ERG: variants seen among roughly 807,000 people sequenced by gnomAD.
ERG encodes transcriptional regulator ERG.
ERG carries 9 observed loss-of-function variants against 55.3 expected under a neutral mutation model. The ratio of observed to expected loss-of-function variants is 0.16; its 90% CI spans 0.10 to 0.28. The LOEUF (loss-of-function observed/expected upper bound fraction) is 0.28, where lower values mean the gene tolerates loss of function less well. Ranked by LOEUF, ERG falls within the 10% of genes least tolerant of loss-of-function variation. ERG has a pLI of 1.00. For synonymous variants in ERG, 223 were observed against 237.3 expected, an observed-to-expected ratio of 0.94 and a Z score of 0.55; for missense variants, 434 against 631.6, an observed-to-expected ratio of 0.69 and a Z score of 3.35.
At chr21:38,603,662 G>A (rs1477021437) in intron 1 of ERG, among the ~76,000 whole-genome samples, 1 of 151,952 alleles carries the variant, frequency 6.6e-6, no homozygotes, top group Non-Finnish European at 1.5e-5. Context: ...TAAGTCTCTC[G>A]AGATATCACC....
rs555428831 is a variant in ERG, at chr21:38,439,408, C to A, written c.236+5996G>T. 7.9e-5 allele frequency among the ~76,000 whole-genome samples: 12 copies of A among 152,286 alleles called. No homozygotes were observed. In the East Asian group the frequency reaches 2.1e-3, roughly 27 times the overall value. On this transcript the variant is annotated intron_variant, in intron 2 of 9. Coordinates refer to ENST00000288319, the MANE Select transcript of ERG (RefSeq NM_182918.4). ...ATTCAGGGCATTGGTAGGGAGCTCA[C>A]GAGAGGCTGAGCAGGCGCTGAAACT...
At chr21:38,575,914 T>C (rs1860244690) in intron 1 of ERG, among the ~76,000 whole-genome samples, 1 of 152,264 alleles carries the variant, frequency 6.6e-6, no homozygotes, top group Admixed American at 6.5e-5. Flanking sequence ...ATGAGGTGAC[T>C]AGATAACTCA....
chr21:38,561,995 C>T (rs1400211015), intron 2 of ERG, among the ~76,000 whole-genome samples: 1 of 152,176 alleles, frequency 6.6e-6, no homozygotes, highest in African/African-American at 2.4e-5. Context: ...AAAACTTTCT[C>T]TGCTATTTAC....
At chr21:38,450,159 A>AGGTG (rs1348581708) in intron 1 of ERG, among the ~76,000 whole-genome samples, 2 of 151,876 alleles carry the variant, frequency 1.3e-5, no homozygotes, top group Non-Finnish European at 2.9e-5. Flanking sequence ...TGAGAGGCCA[A>AGGTG]GGTGGGTGGG....
At chr21:38,653,520 G>C (rs1340791613) in intron 1 of ERG, among the ~76,000 whole-genome samples, 1 of 152,176 alleles carries the variant, frequency 6.6e-6, no homozygotes, top group Non-Finnish European at 1.5e-5. Flanking sequence ...CGCATTTAGA[G>C]TGTCCTTGCA....
At chr21:38,434,654 T>C (rs540449253) in intron 2 of ERG, among the ~76,000 whole-genome samples, 7 of 152,230 alleles carry the variant, frequency 4.6e-5, no homozygotes, top group African/African-American at 1.7e-4. Context: ...CTGACCTTGG[T>C]TGACCTTAGA....
At chr21:38,445,839 C>G (rs1246340922) in intron 1 of ERG, among the ~76,000 whole-genome samples, 2 of 151,884 alleles carry the variant, frequency 1.3e-5, no homozygotes, top group Non-Finnish European at 2.9e-5. Context: ...ATGCAGGTCT[C>G]GAAGCATCCC....
intron 2 of ERG, among the ~76,000 whole-genome samples, chr21:38,443,291 G>T (rs569804365): frequency 1.2e-4 from 18 of 152,114 alleles, no homozygotes; most frequent in Admixed American, 2.0e-4. Flanking sequence ...GTTGTCCATC[G>T]GAAATCATCT....
chr21:38,437,700 C>T (rs761563136), intron 2 of ERG, among the ~76,000 whole-genome samples: 6 of 152,170 alleles, frequency 3.9e-5, no homozygotes, highest in Non-Finnish European at 7.3e-5. Flanking sequence ...GGCCCATCCT[C>T]GCTTCCTCTT....
chr21:38,480,522 G>A (rs919675815), intron 1 of ERG, among the ~76,000 whole-genome samples: 3 of 58,608 alleles, frequency 5.1e-5, no homozygotes, highest in African/African-American at 1.5e-4. Flanking sequence ...GCTATCCTGA[G>A]AAACTGGTAA....
chr21:38,391,128 G>A, intron 8 of ERG, 86 bp from the exon 9 acceptor site: 2 of 1,184,836 alleles, frequency 1.7e-6, no homozygotes, highest in Non-Finnish European at 2.5e-6. Context: ...TGACTTAATT[G>A]TTTTTTCAGA....
intron 2 of ERG, among the ~76,000 whole-genome samples, chr21:38,541,344 G>A (rs764819813): frequency 1.3e-4 from 20 of 152,168 alleles, no homozygotes; most frequent in Non-Finnish European, 1.8e-4. Flanking sequence ...AGATAAATTC[G>A]GAGTACAAAG....
At position 38,460,140 on chromosome 21, in the gene ERG, A is replaced by C. The variant is rs763171137; in HGVS notation, c.19-14519T>G. Reference sequence around the variant, plus strand: ...AGGCCTTCCAGCCTTGGCAACAGCTAGAACAAGGCCAGAGTGGACTGCGGG... The same window carrying C: ...AGGCCTTCCAGCCTTGGCAACAGCTCGAACAAGGCCAGAGTGGACTGCGGG... On this transcript the variant is annotated intron_variant, in intron 1 of 9. Transcript: ENST00000288319. The surrounding 1 kb of genome is among the most constrained non-coding windows in gnomAD (Gnocchi z 5.0). Among the ~76,000 whole-genome samples, 4 of 152,222 alleles carry C rather than the reference A, an allele frequency of 2.6e-5. No homozygotes were observed. The highest frequency in any genetic ancestry group is 5.9e-5 in the Non-Finnish European group (4 of 68,050).
At chr21:38,468,728 G>C (rs1374569045) in intron 1 of ERG, among the ~76,000 whole-genome samples, 1 of 152,128 alleles carries the variant, frequency 6.6e-6, no homozygotes, top group African/African-American at 2.4e-5. Flanking sequence ...GCTCACGCCT[G>C]TAATCCCAGC....
chr21:38,470,940 T>C (rs1398228783), intron 1 of ERG: 1 of 152,240 alleles, frequency 6.6e-6, no homozygotes, highest in African/African-American at 2.4e-5. Context: ...TCGAGGTGAC[T>C]CAGGGCTGTT....
chr21:38,535,317 T>C (rs1346336458), intron 2 of ERG, among the ~76,000 whole-genome samples: 2 of 152,142 alleles, frequency 1.3e-5, no homozygotes, highest in African/African-American at 4.8e-5. Flanking sequence ...AGTTTCTGTT[T>C]TGCAAGGTAA....
chr21:38,568,988 G>C (rs2059940580), intron 2 of ERG, among the ~76,000 whole-genome samples: 1 of 152,122 alleles, frequency 6.6e-6, no homozygotes, highest in Non-Finnish European at 1.5e-5. Context: ...GGGTGATAGG[G>C]GGTGAGCCAG....
At chr21:38,427,620 C>G (rs988055874) in intron 2 of ERG, among the ~76,000 whole-genome samples, 1 of 152,106 alleles carries the variant, frequency 6.6e-6, no homozygotes, top group Non-Finnish European at 1.5e-5. Context: ...TAACCCTGAA[C>G]AGAATGACTC....
intron 2 of ERG, among the ~76,000 whole-genome samples, chr21:38,517,838 A>G (rs2059563455): frequency 6.6e-6 from 1 of 152,286 alleles, no homozygotes; most frequent in East Asian, 1.9e-4. Flanking sequence ...CATTATGTCA[A>G]GTAAAATAAG....
Sources: allele counts gnomAD v4.1 joint callset (sites outside exome capture counted in the v4.1 genomes callset), GRCh38; gene constraint gnomAD v4.1.1; non-coding constraint Gnocchi (gnomAD v3.1); transcripts MANE v1.5; gene names NCBI Gene and HGNC (gene_info 2026-07-23, HGNC 2026-07-21).